Variants in MGAT4C observed in about 807,000 individuals in gnomAD.
The protein encoded by MGAT4C is alpha-1,3-mannosyl-glycoprotein 4-beta-N-acetylglucosaminyltransferase C.
A neutral mutation model predicts 40.1 loss-of-function variants in MGAT4C; 19 were observed. That is an observed-to-expected ratio of 0.47 (90% confidence interval 0.33 to 0.70). The LOEUF (loss-of-function observed/expected upper bound fraction) is 0.70. Among genes scored for constraint, MGAT4C ranks in the 30% least tolerant of loss-of-function variants. The pLI is 0.02. For synonymous variants in MGAT4C, 181 were observed against 187.1 expected (o/e 0.97, Z 0.27); for missense variants, 491 against 563.2 (o/e 0.87, Z 1.30).
intron 3 of MGAT4C, among the ~76,000 whole-genome samples, chr12:86,364,093 C>T (rs905386235): frequency 1.3e-5 from 2 of 151,700 alleles, no homozygotes; most frequent in African/African-American, 4.8e-5. Flanking sequence ...AAATTACAGG[C>T]CCAGGTAATT....
upstream of MGAT4C, among the ~76,000 whole-genome samples, chr12:86,256,934 T>C (rs533448062): frequency 5.3e-5 from 8 of 152,270 alleles, no homozygotes; most frequent in South Asian, 1.7e-3. Flanking sequence ...ACCACAAAAA[T>C]GGAAATGCAT....
At chr12:86,323,518 G>A (rs1214801904) in intron 4 of MGAT4C, among the ~76,000 whole-genome samples, 3 of 151,566 alleles carry the variant, frequency 2.0e-5, no homozygotes, top group Non-Finnish European at 4.4e-5. Context: ...AAAACACTAA[G>A]TATGTAAAAA....
chr12:86,692,844 T>G (rs1471642035), intron 2 of MGAT4C, among the ~76,000 whole-genome samples: 1 of 152,132 alleles, frequency 6.6e-6, no homozygotes, highest in African/African-American at 2.4e-5. Flanking sequence ...CTGAGACGAG[T>G]GTACCACACA....
chr12:86,463,778 C>T (rs570910524), intron 2 of MGAT4C, among the ~76,000 whole-genome samples: 15 of 152,250 alleles, frequency 9.9e-5, no homozygotes, highest in Admixed American at 4.6e-4. Context: ...TAATCTTCCT[C>T]TTATATTAAT....
intron 1 of MGAT4C, among the ~76,000 whole-genome samples, chr12:86,765,383 C>T (rs1161700984): frequency 4.6e-5 from 7 of 152,160 alleles, no homozygotes; most frequent in African/African-American, 7.2e-5. Flanking sequence ...ACCAAATCTA[C>T]GTCTGATTTG....
In MGAT4C at chr12:86,117,047, T is replaced by C. The variant is rs555726275; in HGVS notation, c.-56-67324A>G. ...TTCTGAGACGCTATATTTGATAATA[T>C]CTTATTATACTTTAATCATTGCTTA... On this transcript the variant is annotated intron_variant, in intron 1 of 4. Coordinates refer to ENST00000611864, the MANE Select transcript of MGAT4C (RefSeq NM_001351288.2). 2.0e-5 allele frequency among the ~76,000 whole-genome samples: 3 copies of C among 152,240 alleles called. No individual in the cohort carries two copies. In the East Asian group the frequency reaches 5.8e-4, roughly 29 times the overall value.
chr12:86,398,185 A>G (rs1374030421), intron 3 of MGAT4C, among the ~76,000 whole-genome samples: 2 of 152,182 alleles, frequency 1.3e-5, no homozygotes, highest in Non-Finnish European at 2.9e-5. Context: ...TAAAGTCAGT[A>G]TCACCAAGCC....
At chr12:86,531,047 G>T (rs1171394240) in intron 2 of MGAT4C, among the ~76,000 whole-genome samples, 1 of 151,962 alleles carries the variant, frequency 6.6e-6, no homozygotes, top group Non-Finnish European at 1.5e-5. Context: ...AAAAAGAAAG[G>T]GGCATTGGCC....
At chr12:86,263,932 A>AT (rs1952721680) in intron 4 of MGAT4C, among the ~76,000 whole-genome samples, 1 of 151,794 alleles carries the variant, frequency 6.6e-6, no homozygotes, top group Non-Finnish European at 1.5e-5. Flanking sequence ...GATGTTGAGC[A>AT]TTTTTTCATA....
intron 3 of MGAT4C, among the ~76,000 whole-genome samples, chr12:86,404,285 G>A (rs1017169561): frequency 6.6e-6 from 1 of 152,166 alleles, no homozygotes; most frequent in African/African-American, 2.4e-5. Flanking sequence ...ATAAAGGCAA[G>A]TTTGCAGTAT....
chr12:86,414,550 A>G (rs571259992), intron 3 of MGAT4C, among the ~76,000 whole-genome samples: 3 of 151,918 alleles, frequency 2.0e-5, no homozygotes, highest in African/African-American at 4.8e-5. Context: ...TTTAAAATCT[A>G]CAACATGATT....
intron 2 of MGAT4C, among the ~76,000 whole-genome samples, chr12:86,542,095 A>G (rs1025352106): frequency 1.1e-4 from 17 of 152,208 alleles, no homozygotes; most frequent in African/African-American, 3.9e-4. Context: ...AGCACCAGTA[A>G]CACCTGAAAA....
At chr12:86,805,147 T>A (rs907265355) in intron 1 of MGAT4C, among the ~76,000 whole-genome samples, 1 of 152,034 alleles carries the variant, frequency 6.6e-6, no homozygotes, top group African/African-American at 2.4e-5. Context: ...TATAATATGA[T>A]ATTGTTTGTT....
chr12:86,497,993 A>G (rs1344309689), intron 2 of MGAT4C, among the ~76,000 whole-genome samples: 2 of 145,338 alleles, frequency 1.4e-5, no homozygotes, highest in Non-Finnish European at 3.0e-5. Context: ...TAATCTTTAT[A>G]TATTATATTA....
chr12:86,227,471 C>A (rs549895927), intron 1 of MGAT4C, among the ~76,000 whole-genome samples: 1 of 151,860 alleles, frequency 6.6e-6, no homozygotes, highest in Non-Finnish European at 1.5e-5. Flanking sequence ...GTTCTCTGTG[C>A]CTAAAATATT....
intron 3 of MGAT4C, among the ~76,000 whole-genome samples, chr12:86,357,303 C>T (rs894785667): frequency 1.3e-5 from 2 of 152,124 alleles, no homozygotes; most frequent in African/African-American, 2.4e-5. Context: ...AGGACATCCA[C>T]ACCAAAACCC....
At chr12:86,354,804 T>C (rs189903152) in intron 3 of MGAT4C, among the ~76,000 whole-genome samples, 196 of 152,320 alleles carry the variant, frequency 1.3e-3, no homozygotes, top group Non-Finnish European at 2.4e-3. Flanking sequence ...GTTTGTGGTC[T>C]CACTGACTTC....
At chr12:86,451,511 C>T (rs1455758774) in intron 2 of MGAT4C, among the ~76,000 whole-genome samples, 1 of 152,062 alleles carries the variant, frequency 6.6e-6, no homozygotes, top group African/African-American at 2.4e-5. Context: ...TGATTTTCAA[C>T]AGGTTTACTA....
At chr12:86,189,471 G>A (rs919317876) in intron 1 of MGAT4C, among the ~76,000 whole-genome samples, 1 of 151,726 alleles carries the variant, frequency 6.6e-6, no homozygotes, top group African/African-American at 2.4e-5. Flanking sequence ...GCAAAAACAA[G>A]GAGCACTAGG....
Sources: gnomAD v4.1 joint callset for allele counts (sites outside exome capture counted in the v4.1 genomes callset) on GRCh38, gnomAD v4.1.1 for gene constraint, MANE v1.5 for transcripts, NCBI Gene and HGNC (gene_info 2026-07-23, HGNC 2026-07-21) for gene names.